Variants in COX7B2 observed in about 807,000 individuals in gnomAD.
COX7B2 encodes cytochrome c oxidase subunit 7B2, mitochondrial.
For missense variants in COX7B2, 109 were observed against 95.9 expected (o/e 1.14, Z -0.57); for synonymous variants, 37 against 32.1 (o/e 1.15, Z -0.51).
rs576405694 is a variant in COX7B2 at position 46,737,914 on chromosome 4, A to T, written c.-49-2673T>A. Among the ~76,000 whole-genome samples the T allele has an allele frequency of 5.3e-5, 8 of 152,268 alleles. No homozygotes were observed. In the East Asian group the frequency reaches 1.5e-3, roughly 29 times the overall value. On this transcript the variant is annotated intron_variant, in intron 2 of 2. Transcript: ENST00000355591. ...TCCTACCATATGGTAAGTGGTACTC[A>T]TCATGATTGTGACAAACAGGGCAAC...
chr4:46,788,752 C>G (rs1195906037), intron 2 of COX7B2, among the ~76,000 whole-genome samples: 1 of 152,008 alleles, frequency 6.6e-6, no homozygotes. Context: ...CACATTGTTC[C>G]AGATTAATGA....
At chr4:46,797,157 G>A (rs1025590607) in intron 2 of COX7B2, among the ~76,000 whole-genome samples, 2 of 143,590 alleles carry the variant, frequency 1.4e-5, no homozygotes, top group Admixed American at 7.1e-5. Flanking sequence ...GAAGGATTCT[G>A]GTACACTACC....
chr4:46,897,140 G>C (rs949565574), intron 1 of COX7B2, among the ~76,000 whole-genome samples: 54 of 152,074 alleles, frequency 3.6e-4, no homozygotes, highest in African/African-American at 1.3e-3. Context: ...CACCCCAGGG[G>C]CACAGACAAC....
intron 1 of COX7B2, among the ~76,000 whole-genome samples, chr4:46,872,521 C>G (rs1284902121): frequency 6.6e-6 from 1 of 152,032 alleles, no homozygotes; most frequent in East Asian, 1.9e-4. Context: ...GAATTCTTTC[C>G]CAAGCAAAGC....
At chr4:46,744,059 C>T (rs1388182242) in intron 2 of COX7B2, among the ~76,000 whole-genome samples, 4 of 152,056 alleles carry the variant, frequency 2.6e-5, no homozygotes, top group Admixed American at 1.3e-4. Flanking sequence ...AATATTTGTG[C>T]AGATGTTTCT....
chr4:46,753,229 T>G (rs1277822484), intron 2 of COX7B2, among the ~76,000 whole-genome samples: 1 of 152,214 alleles, frequency 6.6e-6, no homozygotes, highest in Admixed American at 6.6e-5. Flanking sequence ...TATTCTCTGA[T>G]GGTAGTTTGT....
intron 2 of COX7B2, among the ~76,000 whole-genome samples, chr4:46,798,671 A>T (rs1718485978): frequency 6.6e-6 from 1 of 152,146 alleles, no homozygotes. Context: ...ACCATGGGTC[A>T]CCAAGTTCCC....
At chr4:46,840,782 C>A (rs1715876871) in intron 2 of COX7B2, among the ~76,000 whole-genome samples, 1 of 151,996 alleles carries the variant, frequency 6.6e-6, no homozygotes, top group Admixed American at 6.6e-5. Flanking sequence ...CAGAAGTGGA[C>A]ATAAGGCCTT....
chr4:46,738,987 TCTC>T (rs1332674415), intron 2 of COX7B2, among the ~76,000 whole-genome samples: 4 of 152,122 alleles, frequency 2.6e-5, no homozygotes, highest in Non-Finnish European at 5.9e-5. Context: ...TAATACTTGA[TCTC>T]AGTCTAACTA....
At chr4:46,804,967 C>G (rs1321329352) in intron 2 of COX7B2, among the ~76,000 whole-genome samples, 2 of 152,180 alleles carry the variant, frequency 1.3e-5, no homozygotes, top group Admixed American at 1.3e-4. Context: ...GGCTGCGGGT[C>G]CCGAGCCCTG....
intron 1 of COX7B2, among the ~76,000 whole-genome samples, chr4:46,853,676 T>G (rs1413001147): frequency 1.3e-5 from 2 of 152,138 alleles, no homozygotes; most frequent in East Asian, 3.8e-4. Flanking sequence ...TGTTTGTATT[T>G]TATTTTAGCT....
chr4:46,887,643 G>C (rs1379300681), intron 1 of COX7B2, among the ~76,000 whole-genome samples: 1 of 150,752 alleles, frequency 6.6e-6, no homozygotes, highest in African/African-American at 2.4e-5. Flanking sequence ...CCCGGAAGGC[G>C]GAGCTTGCAG....
intron 2 of COX7B2, among the ~76,000 whole-genome samples, chr4:46,842,108 C>G (rs1056462628): frequency 6.6e-5 from 10 of 152,010 alleles, no homozygotes; most frequent in African/African-American, 2.4e-4. Context: ...CCTAATACCC[C>G]TATTTGTTGT....
chr4:46,803,931 TG>T (rs1011329208), intron 2 of COX7B2, among the ~76,000 whole-genome samples: 1 of 152,098 alleles, frequency 6.6e-6, no homozygotes, highest in African/African-American at 2.4e-5. Context: ...CCGGAATTGG[TG>T]GGTTGTTGGT....
chr4:46,831,840 G>C (rs192730815), intron 2 of COX7B2, among the ~76,000 whole-genome samples: 12 of 152,136 alleles, frequency 7.9e-5, no homozygotes, highest in African/African-American at 2.7e-4. Flanking sequence ...ATCTGGTGAG[G>C]ACTTGGAGAA....
At chr4:46,824,982 T>C (rs1023517927) in intron 2 of COX7B2, among the ~76,000 whole-genome samples, 2 of 151,976 alleles carry the variant, frequency 1.3e-5, no homozygotes, top group African/African-American at 4.8e-5. Flanking sequence ...AAGACAAAGA[T>C]GTGATGCCCT....
chr4:46,877,261 T>C (rs527950668), intron 1 of COX7B2, among the ~76,000 whole-genome samples: 14 of 152,344 alleles, frequency 9.2e-5, no homozygotes, highest in Admixed American at 4.6e-4. Flanking sequence ...TAGCTTGTTA[T>C]GTGACTGAGC....
intron 2 of COX7B2, among the ~76,000 whole-genome samples, chr4:46,768,765 A>G (rs554071749): frequency 6.6e-6 from 1 of 152,328 alleles, no homozygotes; most frequent in African/African-American, 2.4e-5. Flanking sequence ...ACTAGACAAT[A>G]GTAAAGATCA....
intron 2 of COX7B2, among the ~76,000 whole-genome samples, chr4:46,788,501 T>G (rs1036247848): frequency 6.6e-6 from 1 of 151,952 alleles, no homozygotes; most frequent in Non-Finnish European, 1.5e-5. Context: ...TTGTAAGGAG[T>G]CAGAAATTTA....
Sources: allele counts gnomAD v4.1 joint callset (sites outside exome capture counted in the v4.1 genomes callset), GRCh38; gene constraint gnomAD v4.1.1; transcripts MANE v1.5; gene names NCBI Gene and HGNC (gene_info 2026-07-23, HGNC 2026-07-21).